Variants in TENM4 observed in about 807,000 individuals in gnomAD.
TENM4 encodes the protein teneurin transmembrane protein 4.
Under a neutral mutation model 243.3 loss-of-function variants are expected in TENM4, and 82 were observed. The observed-to-expected ratio is 0.34, with a 90% confidence interval of 0.28 to 0.40. The LOEUF (loss-of-function observed/expected upper bound fraction) is 0.40, where lower values mean the gene tolerates loss of function less well. Ranked by LOEUF, TENM4 falls within the 10% of genes least tolerant of loss-of-function variation. TENM4 has a pLI of 1.00. For missense variants in TENM4, 3,138 were observed against 3,673.3 expected (o/e 0.85, Z 3.77); for synonymous variants, 1,412 against 1,456.3 (o/e 0.97, Z 0.69).
chr11:79,437,793 G>A (rs1030913105), intron 1 of TENM4, among the ~76,000 whole-genome samples: 3 of 152,182 alleles, frequency 2.0e-5, no homozygotes, highest in Admixed American at 1.3e-4. Context: ...CGCCCTGCCC[G>A]GGGAGCTAAC....
intron 6 of TENM4, among the ~76,000 whole-genome samples, chr11:79,012,692 T>A (rs139820329): frequency 3.3e-5 from 5 of 152,222 alleles, no homozygotes; most frequent in African/African-American, 1.2e-4. Context: ...TGATGTTTAC[T>A]GAGTTTACAG....
Position 79,101,560 on chromosome 11 carries a change from G to T in TENM4, c.-65-31551C>A, listed in dbSNP as rs1162355289. Among the ~76,000 whole-genome samples the T allele has an allele frequency of 4.4e-4, 67 of 152,302 alleles. 1 individual carries two copies. The highest frequency in any genetic ancestry group is 1.5e-5 in the Non-Finnish European group (1 of 68,022). On this transcript the variant is annotated intron_variant, in intron 4 of 33. Coordinates refer to ENST00000278550, the MANE Select transcript of TENM4 (RefSeq NM_001098816.3). ...ATTAAGAAACCGTTGCGTCCTGGAG[G>T]GCTGAGTAATCCTGCACAGTGCTTT...
At chr11:78,803,191 G>A (rs1011673615) in intron 15 of TENM4, among the ~76,000 whole-genome samples, 2 of 151,902 alleles carry the variant, frequency 1.3e-5, no homozygotes, top group Non-Finnish European at 2.9e-5. Context: ...CATTGCGCCC[G>A]GCTAATTTTT....
At chr11:79,224,070 C>T (rs981155623) in intron 2 of TENM4, among the ~76,000 whole-genome samples, 23 of 152,150 alleles carry the variant, frequency 1.5e-4, no homozygotes, top group African/African-American at 4.8e-4. Flanking sequence ...TCCCTGGGGA[C>T]TACAATAAGC....
chr11:78,717,146 T>C (rs1859538848), intron 25 of TENM4, among the ~76,000 whole-genome samples: 1 of 152,192 alleles, frequency 6.6e-6, no homozygotes, highest in Non-Finnish European at 1.5e-5. Flanking sequence ...AACCTTAGTT[T>C]CTCTGGAAGT....
At chr11:79,054,004 G>C (rs980888863) in intron 6 of TENM4, among the ~76,000 whole-genome samples, 1 of 152,158 alleles carries the variant, frequency 6.6e-6, no homozygotes, top group Non-Finnish European at 1.5e-5. Context: ...ATTGCTATCT[G>C]CTCTGGGTTC....
intron 29 of TENM4, among the ~76,000 whole-genome samples, chr11:78,677,367 A>T (rs1468427782): frequency 6.6e-6 from 1 of 151,298 alleles, no homozygotes; most frequent in Admixed American, 6.6e-5. Flanking sequence ...CAATCCTCCA[A>T]CCTCAGCCTC....
intron 4 of TENM4, among the ~76,000 whole-genome samples, chr11:79,116,624 T>C (rs1380135030): frequency 6.6e-6 from 1 of 152,242 alleles, no homozygotes; most frequent in Non-Finnish European, 1.5e-5. Context: ...TAGGTGATAG[T>C]TACTTTTTAA....
chr11:79,010,339 G>A (rs1858612200), intron 6 of TENM4, among the ~76,000 whole-genome samples: 1 of 152,158 alleles, frequency 6.6e-6, no homozygotes, highest in Admixed American at 6.5e-5. Context: ...TAAGTACTCT[G>A]AGGAATACAG....
chr11:79,341,156 C>T (rs889180865), intron 1 of TENM4, among the ~76,000 whole-genome samples: 1 of 152,138 alleles, frequency 6.6e-6, no homozygotes, highest in Non-Finnish European at 1.5e-5. Context: ...GCCCTGCCAA[C>T]GCCTTTACCC....
intron 4 of TENM4, among the ~76,000 whole-genome samples, chr11:79,094,650 G>A (rs1344405506): frequency 6.6e-6 from 1 of 152,186 alleles, no homozygotes; most frequent in Non-Finnish European, 1.5e-5. Context: ...TGTCTCCCCA[G>A]CCTAGGAGGC....
chr11:78,701,850 A>T lies in TENM4; in HGVS notation c.4763T>A (p.Leu1588Gln), dbSNP rs1859112025. The T allele has an allele frequency of 1.9e-6, 3 of 1,614,036 alleles. No individual in the cohort carries two copies. In the East Asian group the frequency reaches 6.7e-5, roughly 36 times the overall value. Residue 1588 changes from leucine (L) to glutamine (Q), a missense_variant, in exon 28 of 34, where the codon CTG (leucine) becomes CAG (glutamine). Physicochemically the swap from Leu to Gln is moderately radical, Grantham distance 113. This residue lies in a region of TENM4 where 2,467 missense variants were observed against 3,059.1 expected (regional missense o/e 0.81). Transcript: ENST00000278550. ...LSSPIDQELY[L>Q]FDTTGKHLYT... ...CAGGTGCTTGCCGGTGGTATCAAAC[A>T]GATAGAGCTCCTGGTCAATTGGTGA...
intron 14 of TENM4, among the ~76,000 whole-genome samples, chr11:78,808,256 A>G (rs1474669119): frequency 6.6e-6 from 1 of 152,236 alleles, no homozygotes; most frequent in Non-Finnish European, 1.5e-5. Context: ...TTATTTTGCT[A>G]TTTAGGGTCT....
intron 4 of TENM4, among the ~76,000 whole-genome samples, chr11:79,126,318 T>C (rs769361632): frequency 1.3e-5 from 2 of 152,202 alleles, no homozygotes; most frequent in African/African-American, 4.8e-5. Context: ...AATAGATTTG[T>C]GAGGGCAGCA....
intron 15 of TENM4, among the ~76,000 whole-genome samples, chr11:78,790,143 G>T (rs1018099992): frequency 2.0e-5 from 3 of 152,200 alleles, no homozygotes; most frequent in African/African-American, 7.2e-5. Context: ...CCCCCCAGGA[G>T]ATCTCAGTCC....
intron 6 of TENM4, among the ~76,000 whole-genome samples, chr11:78,985,662 G>A (rs928447108): frequency 6.6e-6 from 1 of 152,218 alleles, no homozygotes; most frequent in Non-Finnish European, 1.5e-5. Flanking sequence ...GTACGTTAAA[G>A]AAGTTAACCT....
chr11:79,141,794 C>T (rs1193861310), intron 4 of TENM4, among the ~76,000 whole-genome samples: 2 of 152,052 alleles, frequency 1.3e-5, no homozygotes, highest in East Asian at 3.9e-4. Flanking sequence ...AAAGATCACT[C>T]ATCATAACCA....
intron 1 of TENM4, among the ~76,000 whole-genome samples, chr11:79,298,336 A>C (rs976177868): frequency 1.3e-5 from 2 of 151,812 alleles, no homozygotes; most frequent in African/African-American, 2.4e-5. Flanking sequence ...TAACAAGGTG[A>C]AACCCCGTCT....
chr11:79,000,546 T>C (rs1425433167), intron 6 of TENM4, among the ~76,000 whole-genome samples: 1 of 152,116 alleles, frequency 6.6e-6, no homozygotes, highest in African/African-American at 2.4e-5. Flanking sequence ...GTGAAATTGG[T>C]AGTGACAAAA....
Sources: allele counts gnomAD v4.1 joint callset (sites outside exome capture counted in the v4.1 genomes callset), GRCh38; gene constraint gnomAD v4.1.1; regional missense constraint gnomAD v4.1.1; transcripts MANE v1.5; gene names NCBI Gene and HGNC (gene_info 2026-07-23, HGNC 2026-07-21).